Variants in SERF2 observed in about 807,000 individuals in gnomAD.
SERF2 encodes small EDRK-rich factor 2.
A neutral mutation model predicts 10.7 loss-of-function variants in SERF2; 4 were observed. The ratio of observed to expected loss-of-function variants is 0.37; its 90% CI spans 0.18 to 0.86. The LOEUF (loss-of-function observed/expected upper bound fraction) is 0.86. Among genes scored for constraint, SERF2 ranks in the 40% least tolerant of loss-of-function variants. The probability of loss-of-function intolerance (pLI) is 0.43; values close to 1 mark genes in which losing one functional copy is unlikely to be tolerated. For synonymous variants in SERF2, 26 were observed against 26.0 expected, an observed-to-expected ratio of 1.00 and a Z score of 0.01; for missense variants, 47 against 79.1, an observed-to-expected ratio of 0.59 and a Z score of 1.54.
At chr15:43,792,095 T>C, upstream of SERF2, 2 of 503,476 alleles carry the variant, frequency 4.0e-6, no homozygotes, top group Non-Finnish European at 7.3e-6. Flanking sequence ...CCTGCCCACG[T>C]GACCCGGCCT....
At chr15:43,792,420 T>A (rs753377439) in intron 1 of SERF2, 37 bp downstream of exon 1, 3 of 1,613,882 alleles carry the variant, frequency 1.9e-6, no homozygotes, top group Admixed American at 1.7e-5. Flanking sequence ...CCCTTTTCTT[T>A]CCGTTCACCC....
upstream of SERF2, among the ~76,000 whole-genome samples, chr15:43,789,005 C>T (rs367678957): frequency 2.0e-5 from 3 of 152,056 alleles, no homozygotes; most frequent in African/African-American, 4.8e-5. Context: ...AAAAATTAGC[C>T]GGGCGTAGTG....
upstream of SERF2, among the ~76,000 whole-genome samples, chr15:43,789,159 AAAAAG>A (rs2087032484): frequency 6.6e-6 from 1 of 152,042 alleles, no homozygotes; most frequent in African/African-American, 2.4e-5. Flanking sequence ...AAAAAAAAAA[AAAAAG>A]AAAAGTACAC....
In SERF2 at chr15:43,793,691, CCAT is replaced by C; in HGVS notation, c.117-14_117-12del. 1 of 1,614,160 alleles carries C rather than the reference CCAT, an allele frequency of 6.2e-7. No homozygotes were observed. Among genetic ancestry groups the C allele is most frequent in the Non-Finnish European group, 8.5e-7 (1 of 1,180,032 alleles). ...TTGCCCTCTGGTACCTCCCAGTGCCCCATCATCTCTACCCCCAGGGACTCGGAG... is the reference window on the plus strand; with the variant it reads ...TTGCCCTCTGGTACCTCCCAGTGCCCCATCTCTACCCCCAGGGACTCGGAG... On this transcript the variant is annotated splice_polypyrimidine_tract_variant and intron_variant, in intron 2 of 2. Transcript: ENST00000249786.
chr15:43,795,625 G>A lies in SERF2; in HGVS notation c.*1852G>A. On this transcript the variant is annotated 3_prime_UTR_variant, in exon 3 of 3. Coordinates refer to ENST00000249786, the MANE Select transcript of SERF2 (RefSeq NM_001018108.4). The stretch of plus-strand genomic sequence containing the variant: ...CCCAACTACCTTTGTTAAGGCTCTT[G>A]AGGGTTCTTATGGCACTCCACAGAG... 2 of 1,604,094 alleles carry A rather than the reference G, an allele frequency of 1.2e-6. No homozygotes were observed. Among genetic ancestry groups the A allele is most frequent in the South Asian group, 1.1e-5 (1 of 90,868 alleles).
At chr15:43,792,895 C>A in intron 1 of SERF2, 80 bp from the exon 2 acceptor site, 1 of 1,030,890 alleles carries the variant, frequency 9.7e-7, no homozygotes, top group Non-Finnish European at 1.5e-6. Flanking sequence ...GATCCTGCTG[C>A]TGGCCGCGCT....
Position 43,795,618 on chromosome 15 carries a change from G to C in SERF2, c.*1845G>C. On this transcript the variant is annotated 3_prime_UTR_variant, in exon 3 of 3. Transcript: ENST00000249786. The stretch of plus-strand genomic sequence containing the variant: ...CCTCTCCCCCAACTACCTTTGTTAA[G>C]GCTCTTGAGGGTTCTTATGGCACTC... The C allele has an allele frequency of 6.2e-7, 1 of 1,610,642 alleles. No individual in the cohort carries two copies. The highest frequency in any genetic ancestry group is 8.5e-7 in the Non-Finnish European group (1 of 1,177,230).
Position 43,793,239 on chromosome 15 carries a change from C to G in SERF2, c.116+156C>G, listed in dbSNP as rs966616280. ...AGGGTTTTATTTCCTCCCCACCCTC[C>G]AAATTGTTAGCTCACAGCCTTACAG... On this transcript the variant is annotated intron_variant, in intron 2 of 2. Coordinates refer to ENST00000249786, the MANE Select transcript of SERF2 (RefSeq NM_001018108.4). 6 of 601,416 alleles carry G rather than the reference C, an allele frequency of 1.0e-5. No individual in the cohort carries two copies. The African/African-American group carries it at 1.1e-4, about 11-fold the overall frequency. 37.3% of individuals were successfully genotyped at this position (601,416 alleles called of 1,614,324 possible). A position where few individuals can be genotyped will look rare whatever the true frequency, so the allele number is the denominator to read the frequency against.
chr15:43,778,259 G>C (rs138330519), intron 1 of SERF2: 1 of 151,898 alleles, frequency 6.6e-6, no homozygotes, highest in South Asian at 2.1e-4. Context: ...CACCGCGCCC[G>C]GCTAATACAC....
At chr15:43,779,053 TAGG>T (rs1412768518) in intron 1 of SERF2, among the ~76,000 whole-genome samples, 6 of 152,180 alleles carry the variant, frequency 3.9e-5, no homozygotes, top group South Asian at 2.1e-4. Context: ...TTTGATGGTG[TAGG>T]AGATTTACTG....
chr15:43,785,818 G>A (rs1348626557), intron 2 of SERF2, among the ~76,000 whole-genome samples: 1 of 148,922 alleles, frequency 6.7e-6, no homozygotes, highest in African/African-American at 2.5e-5. Context: ...CAATTCTTGC[G>A]CCTCAGCCTC....
chr15:43,784,110 T>C (rs2086986677), intron 1 of SERF2, among the ~76,000 whole-genome samples: 1 of 151,828 alleles, frequency 6.6e-6, no homozygotes, highest in Non-Finnish European at 1.5e-5. Context: ...AAAAGTTTTG[T>C]AGAGATGGGT....
Position 43,795,835 on chromosome 15 carries a change from GT to G in SERF2, c.*2063del. The G allele has an allele frequency of 8.0e-7, 1 of 1,252,046 alleles. No homozygotes were observed. Among genetic ancestry groups the G allele is most frequent in the Admixed American group, 2.3e-5 (1 of 44,142 alleles). The allele number at this position is 1,252,046 out of a possible 1,614,324, so 77.6% of individuals were successfully genotyped here. On this transcript the variant is annotated 3_prime_UTR_variant, in exon 3 of 3. Coordinates refer to ENST00000249786, the MANE Select transcript of SERF2 (RefSeq NM_001018108.4). ...GAAAAGATTGGTCTAGTATTAAAAA[GT>G]GGAGGCACACCTGGGTTCAAATTCT...
rs754908367 is a variant in SERF2, at chr15:43,793,821, G to A, written c.*48G>A. ...CTCTTGCCCTTCGCCTGTGTGCCTG[G>A]AGCCAGTCCCACCACGCTCGCGTTT... is the stretch of plus-strand genomic sequence containing the variant. On this transcript the variant is annotated 3_prime_UTR_variant, in exon 3 of 3. Coordinates refer to ENST00000249786, the MANE Select transcript of SERF2 (RefSeq NM_001018108.4). The A allele has an allele frequency of 1.9e-6, 3 of 1,613,628 alleles. No individual in the cohort carries two copies. Among genetic ancestry groups the A allele is most frequent in the Admixed American group, 1.7e-5 (1 of 59,972 alleles).
In SERF2 at chr15:43,793,693, A is replaced by C. The variant is rs2087130082; in HGVS notation, c.117-17A>C. 2 of 1,614,070 alleles carry C rather than the reference A, an allele frequency of 1.2e-6. No individual in the cohort carries two copies. The highest frequency in any genetic ancestry group is 4.5e-5 in the East Asian group (2 of 44,874). On this transcript the variant is annotated splice_polypyrimidine_tract_variant and intron_variant, in intron 2 of 2. Coordinates refer to ENST00000249786, the MANE Select transcript of SERF2 (RefSeq NM_001018108.4). The stretch of plus-strand genomic sequence containing the variant: ...GCCCTCTGGTACCTCCCAGTGCCCC[A>C]TCATCTCTACCCCCAGGGACTCGGA...
chr15:43,788,586 T>C (rs1290805190), upstream of SERF2, among the ~76,000 whole-genome samples: 1 of 152,216 alleles, frequency 6.6e-6, no homozygotes, highest in Non-Finnish European at 1.5e-5. Flanking sequence ...ACATTTAAAC[T>C]GAGACCTAGA....
At chr15:43,778,702 C>A (rs1000849516) in intron 1 of SERF2, among the ~76,000 whole-genome samples, 1 of 150,068 alleles carries the variant, frequency 6.7e-6, no homozygotes, top group Non-Finnish European at 1.5e-5. Context: ...GAGTTCGAGA[C>A]CACCCAGGGC....
upstream of SERF2, among the ~76,000 whole-genome samples, chr15:43,791,297 A>C (rs1185969706): frequency 6.6e-6 from 1 of 150,766 alleles, no homozygotes; most frequent in East Asian, 2.0e-4. Flanking sequence ...GCTGGAGTGC[A>C]ATGGCGCGAT....
At position 43,784,792 on chromosome 15, in the gene SERF2, G is replaced by A. The variant is rs559520078; in HGVS notation, c.-526-618G>A. 3.3e-5 allele frequency among the ~76,000 whole-genome samples: 5 copies of A among 149,964 alleles called. No individual in the cohort carries two copies. The South Asian group carries it at 1.1e-3, about 32-fold the overall frequency. ...TTTTGAGACGGTGTCTCACTCTGTCGCCCAAGTTGGAGTGTAATGACTGAA... is the reference window on the plus strand; with the variant it reads ...TTTTGAGACGGTGTCTCACTCTGTCACCCAAGTTGGAGTGTAATGACTGAA... On this transcript the variant is annotated intron_variant, in intron 1 of 4. Coordinates refer to the SERF2 transcript ENST00000381359.
Sources: allele counts gnomAD v4.1 joint callset (sites outside exome capture counted in the v4.1 genomes callset), GRCh38; gene constraint gnomAD v4.1.1; transcripts MANE v1.5; gene names NCBI Gene and HGNC (gene_info 2026-07-23, HGNC 2026-07-21).